Variants in NRXN3 observed in about 807,000 individuals in gnomAD.
NRXN3 encodes the protein neurexin III.
NRXN3 carries 32 observed loss-of-function variants against 137.6 expected under a neutral mutation model. The observed-to-expected ratio is 0.23, with a 90% CI of 0.18 to 0.31. NRXN3 has a LOEUF of 0.31. Ranked by LOEUF, NRXN3 falls within the 10% of genes least tolerant of loss-of-function variation. The probability of loss-of-function intolerance (pLI) is 1.00; values close to 1 mark genes in which losing one functional copy is unlikely to be tolerated. For synonymous variants in NRXN3, 798 were observed against 784.5 expected (o/e 1.02, Z -0.29); for missense variants, 1,574 against 2,062.5 (o/e 0.76, Z 4.59).
chr14:79,379,048 G>A (rs1371038533), intron 15 of NRXN3, among the ~76,000 whole-genome samples: 2 of 152,034 alleles, frequency 1.3e-5, no homozygotes, highest in Non-Finnish European at 2.9e-5. Flanking sequence ...TTACTTCTCC[G>A]CTTTCTCAAT....
chr14:78,935,281 G>T (rs1301398393), intron 10 of NRXN3, among the ~76,000 whole-genome samples: 1 of 152,126 alleles, frequency 6.6e-6, no homozygotes, highest in South Asian at 2.1e-4. Context: ...ATATATGTAC[G>T]TGAAAATGTA....
chr14:79,680,530 T>C (rs768424826), intron 17 of NRXN3, among the ~76,000 whole-genome samples: 68 of 152,154 alleles, frequency 4.5e-4, no homozygotes, highest in African/African-American at 1.6e-3. Flanking sequence ...TGTGTGTTAG[T>C]AGGGAATGTG....
chr14:79,441,729 G>A (rs1169159226), intron 15 of NRXN3, among the ~76,000 whole-genome samples: 2 of 151,910 alleles, frequency 1.3e-5, no homozygotes, highest in African/African-American at 2.4e-5. Flanking sequence ...TATGGATGGA[G>A]AGTGTGAATA....
intron 15 of NRXN3, among the ~76,000 whole-genome samples, chr14:79,295,571 C>T (rs934680129): frequency 3.9e-5 from 6 of 152,222 alleles, no homozygotes; most frequent in Middle Eastern, 3.4e-3. Context: ...TTGTTCATGG[C>T]TGGACTCCCA....
At chr14:79,740,229 C>T (rs1053026091) in intron 19 of NRXN3, among the ~76,000 whole-genome samples, 1 of 152,058 alleles carries the variant, frequency 6.6e-6, no homozygotes, top group Non-Finnish European at 1.5e-5. Context: ...CACTGTCCTA[C>T]TTTGGGCACT....
intron 16 of NRXN3, among the ~76,000 whole-genome samples, chr14:79,602,855 A>G (rs989958839): frequency 3.3e-5 from 5 of 152,024 alleles, no homozygotes; most frequent in African/African-American, 1.2e-4. Flanking sequence ...TTGTAACCAT[A>G]TTTCCAACTA....
intron 15 of NRXN3, among the ~76,000 whole-genome samples, chr14:79,248,286 C>A (rs2075474854): frequency 6.6e-6 from 1 of 152,170 alleles, no homozygotes; most frequent in South Asian, 2.1e-4. Context: ...TTCATGCCCC[C>A]ACACAGATTC....
intron 20 of NRXN3, among the ~76,000 whole-genome samples, chr14:79,843,738 TA>T (rs2099361145): frequency 6.6e-6 from 1 of 152,220 alleles, no homozygotes; most frequent in Non-Finnish European, 1.5e-5. Context: ...AGCAACTCCT[TA>T]ACCATTAAAG....
At chr14:78,851,845 A>G (rs552432352) in intron 10 of NRXN3, among the ~76,000 whole-genome samples, 3 of 152,324 alleles carry the variant, frequency 2.0e-5, no homozygotes, top group South Asian at 2.1e-4. Context: ...TTTGGCATAT[A>G]GCTATTCTAG....
chr14:79,227,110 G>A (rs1429126878), intron 15 of NRXN3, among the ~76,000 whole-genome samples: 63 of 151,706 alleles, frequency 4.2e-4, no homozygotes, highest in Admixed American at 4.0e-3. Flanking sequence ...GAGCCACCGC[G>A]CCTGGCCTAC....
chr14:79,653,395 A>G lies in NRXN3; in HGVS notation c.3445-10383A>G, dbSNP rs554399604. 4.4e-4 allele frequency among the ~76,000 whole-genome samples: 67 copies of G among 152,328 alleles called. 1 individual carries two copies. The highest frequency in any genetic ancestry group is 1.6e-3 in the African/African-American group (65 of 41,594). ...ATGTGTGCTATCTTTTAGAGTCCCA[A>G]GCCTTTAAAATGTATTTGATTCACT... On this transcript the variant is annotated intron_variant, in intron 16 of 20. Transcript: ENST00000335750.
intron 15 of NRXN3, among the ~76,000 whole-genome samples, chr14:79,257,234 C>T (rs181178126): frequency 4.6e-5 from 7 of 151,936 alleles, no homozygotes; most frequent in African/African-American, 7.2e-5. Flanking sequence ...TGCCAACCTC[C>T]GTTCATGCTG....
chr14:79,622,365 G>T (rs2098233664), intron 16 of NRXN3, among the ~76,000 whole-genome samples: 1 of 152,150 alleles, frequency 6.6e-6, no homozygotes, highest in Non-Finnish European at 1.5e-5. Context: ...TTCATAGGTG[G>T]TTTATATAAA....
At chr14:78,930,008 A>G (rs1358244951) in intron 10 of NRXN3, among the ~76,000 whole-genome samples, 2 of 152,284 alleles carry the variant, frequency 1.3e-5, no homozygotes, top group East Asian at 3.9e-4. Flanking sequence ...TATTATTATT[A>G]TTAATGTCAG....
intron 16 of NRXN3, among the ~76,000 whole-genome samples, chr14:79,640,710 T>G (rs968202634): frequency 7.4e-6 from 1 of 136,030 alleles, no homozygotes; most frequent in African/African-American, 2.4e-5. Flanking sequence ...CGGCTTCATT[T>G]CAAGCATGGA....
intron 16 of NRXN3, among the ~76,000 whole-genome samples, chr14:79,650,638 A>C (rs766761535): frequency 2.4e-4 from 36 of 152,170 alleles, no homozygotes; most frequent in Non-Finnish European, 4.7e-4. Context: ...AGGGCTAAAG[A>C]ATGCCAGATG....
intron 10 of NRXN3, among the ~76,000 whole-genome samples, chr14:78,914,914 G>A (rs1258544810): frequency 6.6e-6 from 1 of 150,674 alleles, no homozygotes; most frequent in African/African-American, 2.5e-5. Context: ...AGGGGAAGGA[G>A]GGGGGATAAT....
intron 10 of NRXN3, among the ~76,000 whole-genome samples, chr14:78,859,970 A>G (rs779248186): frequency 1.3e-5 from 2 of 152,102 alleles, no homozygotes; most frequent in African/African-American, 2.4e-5. Context: ...ACTGAAGATT[A>G]TATCCTAATA....
intron 15 of NRXN3, among the ~76,000 whole-genome samples, chr14:79,050,455 A>T (rs2099640249): frequency 6.6e-6 from 1 of 152,236 alleles, no homozygotes; most frequent in African/African-American, 2.4e-5. Context: ...TTGAAGCTGA[A>T]ATAGAACCTC....
Sources: allele counts gnomAD v4.1 joint callset (sites outside exome capture counted in the v4.1 genomes callset), GRCh38; gene constraint gnomAD v4.1.1; transcripts MANE v1.5; gene names NCBI Gene and HGNC (gene_info 2026-07-23, HGNC 2026-07-21).